STRADA: variants seen among roughly 807,000 people sequenced by gnomAD.
STRADA encodes the protein STE20-related kinase adapter protein alpha.
Under a neutral mutation model 55.0 loss-of-function variants are expected in STRADA, and 26 were observed. The ratio of observed to expected loss-of-function variants is 0.47; its 90% confidence interval spans 0.35 to 0.66. The LOEUF (loss-of-function observed/expected upper bound fraction) is 0.66. Ranked by LOEUF, STRADA falls within the 30% of genes least tolerant of loss-of-function variation. The pLI is 0.01. For synonymous variants in STRADA, 197 were observed against 210.9 expected, an observed-to-expected ratio of 0.93 and a Z score of 0.57; for missense variants, 443 against 549.7, an observed-to-expected ratio of 0.81 and a Z score of 1.94.
At chr17:63,724,208 T>A (rs2037493386) in intron 3 of STRADA, among the ~76,000 whole-genome samples, 1 of 152,180 alleles carries the variant, frequency 6.6e-6, no homozygotes. Flanking sequence ...AGTGGTGTGA[T>A]CCTGGCTCAC....
chr17:63,709,183 A>T (rs1327531414), intron 8 of STRADA, among the ~76,000 whole-genome samples: 1 of 152,094 alleles, frequency 6.6e-6, no homozygotes, highest in East Asian at 1.9e-4. Context: ...AGTGGCATTG[A>T]TGGTTCTGGT....
At chr17:63,722,398 G>A (rs536329285) in intron 4 of STRADA, among the ~76,000 whole-genome samples, 1 of 152,308 alleles carries the variant, frequency 6.6e-6, no homozygotes, top group African/African-American at 2.4e-5. Flanking sequence ...ATCAGCAGCT[G>A]TAAAAATATA....
In STRADA at chr17:63,723,323, T is replaced by C. The variant is rs763022973; in HGVS notation, c.98A>G (p.Gln33Arg). 1.9e-6 allele frequency: 3 copies of C among 1,614,214 alleles called. No homozygotes were observed. In the South Asian group the frequency reaches 3.3e-5, roughly 18 times the overall value. The change falls in exon 4 of 13, where the codon CAG (glutamine) becomes CGG (arginine). Residue 33 changes from glutamine to arginine, a missense_variant. Transcript: ENST00000336174. ...TTTTCTCCGAGTGTCACCCGGAGGC[T>C]GCTCTGGGGTAGAGAAATTGATTGT... The part of the protein sequence containing the change: ...GLRDLELFGE[Q>R]PPGDTRRKTN...
chr17:63,713,545 T>A lies in STRADA; in HGVS notation c.227-18A>T, dbSNP rs778034967. 3.1e-6 allele frequency: 5 copies of A among 1,611,612 alleles called. No homozygotes were observed. In the South Asian group the frequency reaches 4.4e-5, roughly 14 times the overall value. ...TCCTTTGCCTAAAAGAAAAAGGGAA[T>A]GCCATACGCAAGGACAAGAACAACA... On this transcript the variant is annotated intron_variant, in intron 5 of 12. Coordinates refer to ENST00000336174, the MANE Select transcript of STRADA (RefSeq NM_001003787.4).
intron 1 of STRADA, among the ~76,000 whole-genome samples, chr17:63,736,984 C>T (rs932421709): frequency 2.0e-5 from 3 of 151,660 alleles, no homozygotes; most frequent in Non-Finnish European, 4.4e-5. Flanking sequence ...CACAGTGGTC[C>T]ACGCCTATAA....
intron 1 of STRADA, among the ~76,000 whole-genome samples, chr17:63,740,107 T>TATATATATATATATATATATAAACAC (rs1309095081): frequency 2.0e-5 from 1 of 49,648 alleles, no homozygotes; most frequent in Admixed American, 2.0e-4. Flanking sequence ...TATATATATA[T>TATATATATATATATATATATAAACAC]ACATACATAC....
intron 1 of STRADA, among the ~76,000 whole-genome samples, chr17:63,732,062 G>A (rs7208875): frequency 0.016 from 2,473 of 152,018 alleles, 69 homozygotes; most frequent in African/African-American, 0.055. Context: ...TAGAGACAGG[G>A]TTTCACCATG....
chr17:63,737,756 T>A (rs544308288), intron 1 of STRADA, among the ~76,000 whole-genome samples: 7 of 152,154 alleles, frequency 4.6e-5, no homozygotes, highest in Admixed American at 1.3e-4. Flanking sequence ...ATGCCTGTGT[T>A]CCCAGCACTT....
At chr17:63,706,566 G>T in intron 10 of STRADA, 69 bp downstream of exon 10, 1 of 1,108,612 alleles carries the variant, frequency 9.0e-7, no homozygotes, top group Non-Finnish European at 1.4e-6. Context: ...TCCTGAGTGT[G>T]AGAGCTACTC....
At chr17:63,726,944 T>TGTA in intron 2 of STRADA, 1 of 515,698 alleles carries the variant, frequency 1.9e-6, no homozygotes, top group Non-Finnish European at 3.4e-6. Context: ...TAGTACTGGC[T>TGTA]GTAATAATGA....
chr17:63,706,975 G>A (rs969553019), intron 9 of STRADA, among the ~76,000 whole-genome samples: 1 of 152,220 alleles, frequency 6.6e-6, no homozygotes, highest in Non-Finnish European at 1.5e-5. Flanking sequence ...GATCCAGAGA[G>A]CAGCAAACAT....
intron 4 of STRADA, among the ~76,000 whole-genome samples, chr17:63,716,593 T>C (rs917112741): frequency 2.0e-5 from 3 of 152,150 alleles, no homozygotes; most frequent in African/African-American, 4.8e-5. Flanking sequence ...TTTCCTGTTG[T>C]TTCAGTGCAG....
At chr17:63,726,977 A>T (rs569993979) in intron 2 of STRADA, 1 of 433,418 alleles carries the variant, frequency 2.3e-6, no homozygotes, top group South Asian at 3.6e-5. Context: ...CCTTCCCTAT[A>T]TTGGTTCCAT....
intron 10 of STRADA, chr17:63,706,097 G>C (rs1213042646): frequency 6.6e-6 from 1 of 152,242 alleles, no homozygotes; most frequent in Admixed American, 6.5e-5. Context: ...GCTTGCATAA[G>C]CCTCTTCCCT....
chr17:63,737,976 G>A (rs1176102547), intron 1 of STRADA, among the ~76,000 whole-genome samples: 1 of 151,440 alleles, frequency 6.6e-6, no homozygotes, highest in Non-Finnish European at 1.5e-5. Flanking sequence ...AACACAGAGG[G>A]ACCCCGTCGA....
intron 12 of STRADA, 121 bp from the exon 13 acceptor site, chr17:63,703,872 G>C: frequency 2.5e-6 from 4 of 1,611,648 alleles, no homozygotes; most frequent in Non-Finnish European, 3.4e-6. Flanking sequence ...TGAGAGGAAG[G>C]AGCAGTGTCT....
rs58463647 is a variant in STRADA, at chr17:63,707,897, A to ATTT, written c.582-482_582-480dup. On this transcript the variant is annotated intron_variant, in intron 8 of 12. Coordinates refer to ENST00000336174, the MANE Select transcript of STRADA (RefSeq NM_001003787.4). ...AGGCACCCGCCACCACGCCCGGCTAATTTTTTTTTTTTTGTATTTTTAGTG... is the reference window on the plus strand; with the variant it reads ...AGGCACCCGCCACCACGCCCGGCTAATTTTTTTTTTTTTTTTGTATTTTTAGTG... Among the ~76,000 whole-genome samples, 787 of 144,782 alleles carry ATTT rather than the reference A, an allele frequency of 5.4e-3. 9 individuals are homozygous for ATTT. Among genetic ancestry groups the ATTT allele is most frequent in the East Asian group, 0.023 (113 of 4,844 alleles). The allele number at this position is 144,782 out of a possible 152,430, so 95.0% of individuals were successfully genotyped here. A position where few individuals can be genotyped will look rare whatever the true frequency, so the allele number is the denominator to read the frequency against.
At chr17:63,733,514 C>G (rs1456093737) in intron 1 of STRADA, among the ~76,000 whole-genome samples, 2 of 152,152 alleles carry the variant, frequency 1.3e-5, no homozygotes, top group African/African-American at 4.8e-5. Flanking sequence ...CCATATCTCT[C>G]AAAAGACCAA....
intron 3 of STRADA, 104 bp downstream of exon 3, chr17:63,726,534 A>T: frequency 9.2e-7 from 1 of 1,087,286 alleles, no homozygotes; most frequent in Non-Finnish European, 1.3e-6. Flanking sequence ...ACTGTAGGTT[A>T]CACTTGCCCT....
Sources: gnomAD v4.1 joint callset for allele counts (sites outside exome capture counted in the v4.1 genomes callset) on GRCh38, gnomAD v4.1.1 for gene constraint, MANE v1.5 for transcripts, NCBI Gene and HGNC (gene_info 2026-07-23, HGNC 2026-07-21) for gene names.